Variants in C10orf90 observed in about 807,000 individuals in gnomAD.
The protein encoded by C10orf90 is chromosome 10 open reading frame 90, also known as (E2-independent) E3 ubiquitin-conjugating enzyme FATS.
A neutral mutation model predicts 62.5 loss-of-function variants in C10orf90; 56 were observed. That is an observed-to-expected ratio of 0.90 (90% CI 0.72 to 1.12). The LOEUF (loss-of-function observed/expected upper bound fraction) is 1.12. Ranked by LOEUF, C10orf90 falls within the 50% of genes most tolerant of loss-of-function variation. The probability of loss-of-function intolerance (pLI) is 0.00; values close to 1 mark genes in which losing one functional copy is unlikely to be tolerated. For synonymous variants in C10orf90, 386 were observed against 340.4 expected, an observed-to-expected ratio of 1.13 and a Z score of -1.47; for missense variants, 970 against 880.4, an observed-to-expected ratio of 1.10 and a Z score of -1.29.
chr10:126,477,913 T>C (rs1316355296), intron 4 of C10orf90, among the ~76,000 whole-genome samples: 2 of 152,144 alleles, frequency 1.3e-5, no homozygotes, highest in African/African-American at 4.8e-5. Flanking sequence ...CATCAATCTG[T>C]TGGAGAGATA....
intron 4 of C10orf90, among the ~76,000 whole-genome samples, chr10:126,487,733 A>G (rs1253152957): frequency 6.6e-6 from 1 of 152,200 alleles, no homozygotes; most frequent in Non-Finnish European, 1.5e-5. Flanking sequence ...AAAAATTGAT[A>G]AGATCTGCGT....
At chr10:126,572,326 G>A (rs1188762136) in intron 2 of C10orf90, among the ~76,000 whole-genome samples, 8 of 152,136 alleles carry the variant, frequency 5.3e-5, no homozygotes, top group African/African-American at 1.4e-4. Context: ...TGCATCTTGC[G>A]CAAGTAAGAA....
chr10:126,454,119 G>A (rs978236035), intron 7 of C10orf90, among the ~76,000 whole-genome samples: 4 of 152,050 alleles, frequency 2.6e-5, no homozygotes, highest in Non-Finnish European at 5.9e-5. Flanking sequence ...GCCACTGACT[G>A]AGCACCTGCA....
At chr10:126,611,563 G>A (rs2133802792) in intron 2 of C10orf90, among the ~76,000 whole-genome samples, 1 of 152,344 alleles carries the variant, frequency 6.6e-6, no homozygotes, top group East Asian at 1.9e-4. Flanking sequence ...GGAGCTGCCA[G>A]ATTATTTTCC....
chr10:126,500,427 T>C (rs1364732896), intron 4 of C10orf90, among the ~76,000 whole-genome samples: 3 of 152,222 alleles, frequency 2.0e-5, no homozygotes, highest in Non-Finnish European at 4.4e-5. Context: ...TCTTTACAGA[T>C]GGTTGAATGA....
At chr10:126,492,189 A>G (rs1428745227) in intron 4 of C10orf90, among the ~76,000 whole-genome samples, 1 of 152,194 alleles carries the variant, frequency 6.6e-6, no homozygotes, top group Non-Finnish European at 1.5e-5. Context: ...TTTGGGACCA[A>G]TTTTGCTCCC....
intron 2 of C10orf90, among the ~76,000 whole-genome samples, chr10:126,554,267 C>A (rs1457453210): frequency 6.6e-6 from 1 of 152,054 alleles, no homozygotes; most frequent in Non-Finnish European, 1.5e-5. Flanking sequence ...AGAAGCCAGA[C>A]CCCAGAGCAT....
Position 126,460,465 on chromosome 10 carries a change from G to A in C10orf90, c.2010+936C>T, listed in dbSNP as rs541094640. Among the ~76,000 whole-genome samples the A allele has an allele frequency of 2.6e-5, 4 of 152,370 alleles. No homozygotes were observed. In the East Asian group the frequency reaches 7.7e-4, roughly 29 times the overall value. On this transcript the variant is annotated intron_variant, in intron 6 of 9. Transcript: ENST00000488181. ...TGTGGGCTCAGTCTGTATCACATAT[G>A]TGTCCCTGGCAGCTACACTGGGGGA... is the stretch of plus-strand genomic sequence containing the variant.
chr10:126,636,002 C>G (rs1325676080), intron 2 of C10orf90, among the ~76,000 whole-genome samples: 1 of 152,064 alleles, frequency 6.6e-6, no homozygotes, highest in Non-Finnish European at 1.5e-5. Context: ...CAAATACCAG[C>G]CTAAAGGGAG....
intron 1 of C10orf90, among the ~76,000 whole-genome samples, chr10:126,648,727 C>T (rs1564908829): frequency 6.6e-6 from 1 of 152,148 alleles, no homozygotes; most frequent in East Asian, 1.9e-4. Flanking sequence ...GATCTGGAGG[C>T]TGTCTTGGAG....
chr10:126,585,330 G>A (rs1844838715), intron 2 of C10orf90, among the ~76,000 whole-genome samples: 1 of 129,934 alleles, frequency 7.7e-6, no homozygotes, highest in South Asian at 2.3e-4. Flanking sequence ...AGGAAGAGAG[G>A]GAGAGAGGGA....
At chr10:126,487,142 C>CAAAAAAAAA (rs1158481155) in intron 4 of C10orf90, among the ~76,000 whole-genome samples, 21 of 29,452 alleles carry the variant, frequency 7.1e-4, no homozygotes, top group East Asian at 1.2e-3. Context: ...AAAACTCTGT[C>CAAAAAAAAA]AAAAAAAAAA....
intron 3 of C10orf90, among the ~76,000 whole-genome samples, chr10:126,508,167 G>GAA (rs201360584): frequency 0.036 from 5,396 of 150,880 alleles, 330 homozygotes; most frequent in African/African-American, 0.12. Context: ...GTGAGAGAGA[G>GAA]AGAGAGAGAG....
At chr10:126,510,800 G>A (rs1307896177) in intron 3 of C10orf90, among the ~76,000 whole-genome samples, 1 of 152,196 alleles carries the variant, frequency 6.6e-6, no homozygotes, top group East Asian at 1.9e-4. Flanking sequence ...ATGCCTTGAG[G>A]TATTTCTAAG....
At position 126,632,953 on chromosome 10, in the gene C10orf90, C is replaced by T. The variant is rs139824906; in HGVS notation, c.313+13612G>A. ...TGCAGCCCTGAGAGCTAAAGAAATG[C>T]TTGTTGTTCCATAAGCCACTGAGTT... On this transcript the variant is annotated intron_variant, in intron 2 of 9. Transcript: ENST00000488181. Among the ~76,000 whole-genome samples the T allele has an allele frequency of 2.3e-4, 35 of 152,270 alleles. 1 individual carries two copies. Among genetic ancestry groups the T allele is most frequent in the African/African-American group, 8.2e-4 (34 of 41,556 alleles).
chr10:126,534,728 T>A (rs1436805), intron 2 of C10orf90, among the ~76,000 whole-genome samples: 1 of 152,130 alleles, frequency 6.6e-6, no homozygotes, highest in African/African-American at 2.4e-5. Context: ...TCTGGGTTTG[T>A]GTGTTTCTTC....
chr10:126,562,157 G>A (rs1396659524), intron 2 of C10orf90, among the ~76,000 whole-genome samples: 2 of 152,296 alleles, frequency 1.3e-5, no homozygotes, highest in East Asian at 1.9e-4. Context: ...GAACCTCTAT[G>A]AGCATGGCCC....
chr10:126,581,440 T>C (rs1218934472), intron 2 of C10orf90, among the ~76,000 whole-genome samples: 2 of 152,124 alleles, frequency 1.3e-5, no homozygotes, highest in Non-Finnish European at 2.9e-5. Context: ...GCTGGTCCTG[T>C]CATCATGCCT....
At chr10:126,606,850 T>A (rs764911183) in intron 2 of C10orf90, among the ~76,000 whole-genome samples, 2 of 152,102 alleles carry the variant, frequency 1.3e-5, no homozygotes, top group Non-Finnish European at 1.5e-5. Flanking sequence ...CAGGAACCAG[T>A]CATTAGATGT....
Sources: gnomAD v4.1 joint callset for allele counts (sites outside exome capture counted in the v4.1 genomes callset) on GRCh38, gnomAD v4.1.1 for gene constraint, MANE v1.5 for transcripts, NCBI Gene and HGNC (gene_info 2026-07-23, HGNC 2026-07-21) for gene names.